The following RDH13 variants were observed in gnomAD, a reference collection of about 807,000 sequenced individuals.
RDH13 encodes the protein retinol dehydrogenase 13.
In RDH13, 35 loss-of-function variants were observed where a neutral mutation model predicts 28.3. The observed-to-expected ratio is 1.24, with a 90% confidence interval of 0.95 to 1.64. The LOEUF (loss-of-function observed/expected upper bound fraction) is 1.64. Among genes scored for constraint, RDH13 ranks in the 40% most tolerant of loss-of-function variants. The pLI, the probability that RDH13 is intolerant of heterozygous loss-of-function variation, is 0.00. For missense variants in RDH13, 514 were observed against 446.3 expected (o/e 1.15, Z -1.37); for synonymous variants, 229 against 198.5 (o/e 1.15, Z -1.29).
chr19:55,044,960 G>A lies in RDH13; in HGVS notation c.*114C>T. 2 of 772,748 alleles carry A rather than the reference G, an allele frequency of 2.6e-6. No homozygotes were observed. Among genetic ancestry groups the A allele is most frequent in the South Asian group, 1.8e-5 (1 of 55,962 alleles). 47.9% of individuals were successfully genotyped at this position (772,748 alleles called of 1,614,324 possible). A position where few individuals can be genotyped will look rare whatever the true frequency, so the allele number is the denominator to read the frequency against. ...CCCCCTAGAACCTACTGCGGGCATGGCGGCCGCCAGTCCTGGGTCTCCCGG... is the reference window on the plus strand; with the variant it reads ...CCCCCTAGAACCTACTGCGGGCATGACGGCCGCCAGTCCTGGGTCTCCCGG... On this transcript the variant is annotated 3_prime_UTR_variant, in exon 7 of 7. Coordinates refer to ENST00000415061, the MANE Select transcript of RDH13 (RefSeq NM_001145971.2).
At chr19:55,058,924 C>A (rs149283501) in intron 2 of RDH13, among the ~76,000 whole-genome samples, 1,546 of 152,336 alleles carry the variant, frequency 0.01, 47 homozygotes, top group African/African-American at 0.035. Flanking sequence ...CGTGATCCGC[C>A]AGCTTTGGCC....
chr19:55,064,292 TC>T (rs2075900574), upstream of RDH13: 1 of 151,798 alleles, frequency 6.6e-6, no homozygotes, highest in Non-Finnish European at 1.5e-5. Flanking sequence ...GTGGTGGCAC[TC>T]ACCTGTAGTC....
intron 3 of RDH13, among the ~76,000 whole-genome samples, chr19:55,053,430 T>C (rs74907923): frequency 0.15 from 22,075 of 151,716 alleles, 1,845 homozygotes; most frequent in African/African-American, 0.22. Context: ...CCGAGGTGGC[T>C]GGATCATGAG....
chr19:55,045,973 C>T (rs1244168615), intron 6 of RDH13, among the ~76,000 whole-genome samples: 1 of 133,934 alleles, frequency 7.5e-6, no homozygotes, highest in African/African-American at 2.9e-5. Flanking sequence ...AAGGGCTGGG[C>T]GTGGTGACTC....
chr19:55,054,939 C>T (rs1459406848), intron 3 of RDH13, among the ~76,000 whole-genome samples: 1 of 151,936 alleles, frequency 6.6e-6, no homozygotes, highest in African/African-American at 2.4e-5. Flanking sequence ...TCATGCTGTA[C>T]ATAATATATA....
intron 3 of RDH13, among the ~76,000 whole-genome samples, chr19:55,052,946 G>GCCACCGCA (rs1330922572): frequency 2.2e-5 from 1 of 45,178 alleles, no homozygotes; most frequent in Non-Finnish European, 5.6e-5. Context: ...ACAGGCGTGA[G>GCCACCGCA]CCTGCACGCC....
downstream of RDH13, chr19:55,044,231 A>AAAAGGAATAAAGCCATG (rs1272156335): frequency 2.6e-5 from 4 of 152,180 alleles, no homozygotes; most frequent in Non-Finnish European, 5.9e-5. Context: ...CTTGTTTCCT[A>AAAAGGAATAAAGCCATG]AAAGGAATAA....
chr19:55,048,813 G>C (rs762385204), intron 3 of RDH13, 50 bp from the exon 4 acceptor site: 2 of 1,468,116 alleles, frequency 1.4e-6, no homozygotes. Context: ...ACAGACCCCA[G>C]CCTGATGCAC....
chr19:55,048,047 G>A, intron 5 of RDH13: 1 of 1,464,560 alleles, frequency 6.8e-7, no homozygotes, highest in East Asian at 2.6e-5. Flanking sequence ...GAGACTCACT[G>A]GCTGGAGCCA....
downstream of RDH13, chr19:55,042,780 G>A (rs942441383): frequency 6.6e-6 from 1 of 152,208 alleles, no homozygotes; most frequent in African/African-American, 2.4e-5. Context: ...GTGGTTGTTG[G>A]TGTGATTCTG....
At chr19:55,061,183 A>G (rs1476395085) in intron 1 of RDH13, among the ~76,000 whole-genome samples, 1 of 152,098 alleles carries the variant, frequency 6.6e-6, no homozygotes, top group Non-Finnish European at 1.5e-5. Flanking sequence ...GCTGGAGTGC[A>G]GTGGCTCAAT....
In RDH13 at chr19:55,045,100, C is replaced by CAGAGGGAGCCTCTAAG; in HGVS notation, c.954_969dup (p.Val324LeufsTer57). 1 of 1,609,560 alleles carries CAGAGGGAGCCTCTAAG rather than the reference C, an allele frequency of 6.2e-7. No individual in the cohort carries two copies. The highest frequency in any genetic ancestry group is 8.5e-7 in the Non-Finnish European group (1 of 1,177,786). On this transcript the variant is annotated frameshift_variant, in exon 7 of 7. Coordinates refer to ENST00000415061, the MANE Select transcript of RDH13 (RefSeq NM_001145971.2). LOFTEE classifies it high-confidence loss of function. The stretch of plus-strand genomic sequence containing the variant: ...TATCTGGGGAGGGGCTGCTCCCTCA[C>CAGAGGGAGCCTCTAAG]AGAGGGAGCCTCTAAGCCCACCAGG...
intron 6 of RDH13, 48 bp downstream of exon 6, chr19:55,047,338 CA>C: frequency 6.3e-7 from 1 of 1,589,852 alleles, no homozygotes; most frequent in East Asian, 2.3e-5. Flanking sequence ...GCTGAGAAAG[CA>C]GGGGTGGAGG....
chr19:55,067,980 T>C (rs1209641141), upstream of RDH13, among the ~76,000 whole-genome samples: 2 of 146,756 alleles, frequency 1.4e-5, no homozygotes, highest in Non-Finnish European at 3.0e-5. Context: ...TCTCTCTCTC[T>C]TCTCTGTCTC....
chr19:55,063,043 G>GTACCGGC lies in RDH13; in HGVS notation c.-12_-11insGCCGGTA. The GTACCGGC allele has an allele frequency of 8.4e-7, 1 of 1,197,412 alleles. No individual in the cohort carries two copies. Among genetic ancestry groups the GTACCGGC allele is most frequent in the South Asian group, 1.8e-5 (1 of 54,830 alleles). The allele number at this position is 1,197,412 out of a possible 1,614,324, so 74.2% of individuals were successfully genotyped here. ...CAGGTAGCGGCTCATGCCGGGCCGG[G>GTACCGGC]GACAGGCGTCAGGCGTCAGGGGTCG... On this transcript the variant is annotated 5_prime_UTR_variant, in exon 1 of 7. Transcript: ENST00000415061.
At chr19:55,062,872 G>A (rs938408436) in intron 1 of RDH13, 96 bp downstream of exon 1, 3 of 1,112,916 alleles carry the variant, frequency 2.7e-6, no homozygotes, top group Non-Finnish European at 3.6e-6. Context: ...TACGGGGCCT[G>A]GACCCGGGTG....
At chr19:55,063,337 C>T, upstream of RDH13, 1 of 360,230 alleles carries the variant, frequency 2.8e-6, no homozygotes, top group East Asian at 4.1e-5. Context: ...CGAATGACGT[C>T]ACACTTGCCG....
Position 55,063,120 on chromosome 19 carries a change from G to A in RDH13, c.-88C>T, listed in dbSNP as rs2075863942. The A allele has an allele frequency of 8.5e-7, 1 of 1,179,204 alleles. No individual in the cohort carries two copies. Among genetic ancestry groups the A allele is most frequent in the Non-Finnish European group, 1.1e-6 (1 of 920,654 alleles). 73.0% of individuals were successfully genotyped at this position (1,179,204 alleles called of 1,614,324 possible). On this transcript the variant is annotated 5_prime_UTR_variant, in exon 1 of 7. Coordinates refer to ENST00000415061, the MANE Select transcript of RDH13 (RefSeq NM_001145971.2). ...CCTGGGTAGCTCCGAGGAAGAGCGC[G>A]CGACGCAGCCACAGGCGAGCGGAGG... is the stretch of plus-strand genomic sequence containing the variant.
chr19:55,054,637 C>T (rs184664395), intron 3 of RDH13, among the ~76,000 whole-genome samples: 2 of 152,230 alleles, frequency 1.3e-5, no homozygotes, highest in Admixed American at 1.3e-4. Flanking sequence ...GGCACAAATA[C>T]GGCTCACTGC....
Sources: allele counts gnomAD v4.1 joint callset (sites outside exome capture counted in the v4.1 genomes callset), GRCh38; gene constraint gnomAD v4.1.1; transcripts MANE v1.5; gene names NCBI Gene and HGNC (gene_info 2026-07-23, HGNC 2026-07-21).